The following RSRC1 variants were observed in gnomAD, a reference collection of about 807,000 sequenced individuals.
RSRC1 encodes arginine and serine rich coiled-coil 1, also known as serine/Arginine-related protein 53.
A neutral mutation model predicts 49.1 loss-of-function variants in RSRC1; 39 were observed. The observed-to-expected ratio is 0.79, with a 90% CI of 0.61 to 1.04. The LOEUF (loss-of-function observed/expected upper bound fraction) is 1.04, where lower values mean the gene tolerates loss of function less well. RSRC1 is among the 50% of genes least tolerant of loss of function. RSRC1 has a pLI of 0.00. For synonymous variants in RSRC1, 143 were observed against 130.8 expected (o/e 1.09, Z -0.63); for missense variants, 388 against 402.4 (o/e 0.96, Z 0.31).
intron 4 of RSRC1, among the ~76,000 whole-genome samples, chr3:158,229,422 ATG>A (rs1722823612): frequency 4.7e-5 from 7 of 149,878 alleles, no homozygotes; most frequent in East Asian, 2.0e-4. Context: ...ATGTGTATGT[ATG>A]TATGTATATA....
In RSRC1 at chr3:158,285,925, CTA is replaced by C. The variant is rs1420698537; in HGVS notation, c.495-12112_495-12111del. Among the ~76,000 whole-genome samples the C allele has an allele frequency of 8.5e-5, 13 of 152,268 alleles. No homozygotes were observed. In the South Asian group the frequency reaches 2.7e-3, roughly 32 times the overall value. On this transcript the variant is annotated intron_variant, in intron 4 of 9. Transcript: ENST00000611884. The stretch of plus-strand genomic sequence containing the variant: ...ATTGCCCTGGCCAGAACTTCCAACA[CTA>C]TGTTGAATAGGAGTGGTGTTTTCAC...
chr3:158,220,789 A>T (rs1722186235), intron 4 of RSRC1, among the ~76,000 whole-genome samples: 2 of 151,566 alleles, frequency 1.3e-5, no homozygotes, highest in African/African-American at 4.8e-5. Flanking sequence ...GTGAGCTGTA[A>T]TCTTTTTACT....
intron 6 of RSRC1, among the ~76,000 whole-genome samples, chr3:158,437,327 G>T (rs2108366270): frequency 6.6e-6 from 1 of 152,098 alleles, no homozygotes; most frequent in African/African-American, 2.4e-5. Context: ...TTTAATAATG[G>T]TTAATTTAGT....
intron 6 of RSRC1, among the ~76,000 whole-genome samples, chr3:158,418,905 A>G (rs558364279): frequency 2.0e-4 from 31 of 152,136 alleles, no homozygotes; most frequent in African/African-American, 6.3e-4. Context: ...GAGATTAAAT[A>G]AAGCATTGAG....
At chr3:158,160,310 T>A (rs1206606468) in intron 3 of RSRC1, among the ~76,000 whole-genome samples, 1 of 152,228 alleles carries the variant, frequency 6.6e-6, no homozygotes, top group Non-Finnish European at 1.5e-5. Context: ...AGTTTTAATT[T>A]GTATAGTACA....
intron 3 of RSRC1, among the ~76,000 whole-genome samples, chr3:158,147,629 T>C (rs1717226303): frequency 6.6e-6 from 1 of 152,192 alleles, no homozygotes; most frequent in African/African-American, 2.4e-5. Flanking sequence ...TTTTTTCATG[T>C]GGTTAAGTCA....
intron 4 of RSRC1, among the ~76,000 whole-genome samples, chr3:158,256,343 G>C (rs1388458486): frequency 6.6e-6 from 1 of 152,304 alleles, no homozygotes; most frequent in Admixed American, 6.5e-5. Flanking sequence ...CGTTGGTTCT[G>C]TTCATGTGAT....
rs190532803 is a variant in RSRC1, at chr3:158,197,067, G to A, written c.321-6005G>A. Among the ~76,000 whole-genome samples, 182 of 152,256 alleles carry A rather than the reference G, an allele frequency of 1.2e-3. 3 individuals carry two copies. The highest frequency in any genetic ancestry group is 9.7e-3 in the Admixed American group (149 of 15,290). On this transcript the variant is annotated intron_variant, in intron 3 of 9. Transcript: ENST00000611884. The stretch of plus-strand genomic sequence containing the variant: ...TTTTCTATTGATTGGAATAGTTTCA[G>A]AAGGAATGGTATCAGCTCCTCCTTG...
At chr3:158,437,837 GAAAT>G (rs1196087345) in intron 6 of RSRC1, among the ~76,000 whole-genome samples, 1 of 152,072 alleles carries the variant, frequency 6.6e-6, no homozygotes, top group Non-Finnish European at 1.5e-5. Flanking sequence ...GCAAAAGAAA[GAAAT>G]AAAGGGTATT....
intron 6 of RSRC1, among the ~76,000 whole-genome samples, chr3:158,421,563 A>G (rs1735054206): frequency 6.6e-6 from 1 of 151,912 alleles, no homozygotes; most frequent in South Asian, 2.1e-4. Flanking sequence ...TTTATATGTT[A>G]GATGTAGAAT....
At chr3:158,451,578 G>A (rs1232104128) in intron 6 of RSRC1, among the ~76,000 whole-genome samples, 1 of 151,934 alleles carries the variant, frequency 6.6e-6, no homozygotes, top group Non-Finnish European at 1.5e-5. Context: ...TACTTAACAT[G>A]AAACTTCAAA....
intron 3 of RSRC1, among the ~76,000 whole-genome samples, chr3:158,143,309 A>G (rs1233894797): frequency 6.6e-6 from 1 of 152,190 alleles, no homozygotes; most frequent in East Asian, 1.9e-4. Flanking sequence ...CTGATCAGAG[A>G]TGGCCTTTCC....
intron 6 of RSRC1, among the ~76,000 whole-genome samples, chr3:158,425,634 T>C (rs1735381679): frequency 6.6e-6 from 1 of 151,870 alleles, no homozygotes; most frequent in Non-Finnish European, 1.5e-5. Flanking sequence ...TTCCTGGGTA[T>C]CCTTGTTGAC....
rs551096563 is a variant in RSRC1 at position 158,478,050 on chromosome 3, C to A, written c.652+17047C>A. Among the ~76,000 whole-genome samples the A allele has an allele frequency of 3.5e-4, 53 of 150,896 alleles. 1 individual carries two copies. The highest frequency in any genetic ancestry group is 2.1e-3 in the Admixed American group (32 of 15,080). On this transcript the variant is annotated intron_variant, in intron 7 of 9. Transcript: ENST00000611884. ...CTTCAGCCTAGACGACAGAGTGAAA[C>A]CCCCATCTCTAAATATTAAAAATAA...
intron 6 of RSRC1, among the ~76,000 whole-genome samples, chr3:158,369,636 A>G (rs556190312): frequency 6.6e-6 from 1 of 152,214 alleles, no homozygotes; most frequent in South Asian, 2.1e-4. Flanking sequence ...CTTCTCCTAA[A>G]TTTAGAAAGA....
intron 4 of RSRC1, among the ~76,000 whole-genome samples, chr3:158,263,036 TGATTGCTC>T (rs1427461761): frequency 3.9e-5 from 6 of 152,284 alleles, no homozygotes; most frequent in African/African-American, 1.2e-4. Context: ...TTTCCTTGCC[TGATTGCTC>T]AGGCTAAGAT....
At chr3:158,331,103 C>G (rs1297778283) in intron 5 of RSRC1, among the ~76,000 whole-genome samples, 2 of 152,176 alleles carry the variant, frequency 1.3e-5, no homozygotes, top group African/African-American at 4.8e-5. Flanking sequence ...TCAGTTACCT[C>G]CCACTGGGTC....
rs372134217 is a variant in RSRC1 at position 158,424,438 on chromosome 3, C to G, written c.584-36497C>G. On this transcript the variant is annotated intron_variant, in intron 6 of 9. Coordinates refer to ENST00000611884, the MANE Select transcript of RSRC1 (RefSeq NM_001271838.2). ...ATCCCAGGGATGAAGCCCACTTGAT[C>G]ATGGTGGATAAGCTTTTTGATGTGC... 1.8e-3 allele frequency among the ~76,000 whole-genome samples: 278 copies of G among 151,422 alleles called. 4 individuals are homozygous for G. In the South Asian group the frequency reaches 0.027, roughly 15 times the overall value.
intron 7 of RSRC1, among the ~76,000 whole-genome samples, chr3:158,506,114 T>C (rs1739849745): frequency 6.6e-6 from 1 of 152,134 alleles, no homozygotes; most frequent in Non-Finnish European, 1.5e-5. Context: ...TGCATCAACC[T>C]ATAAAGCTTG....
Sources: gnomAD v4.1 joint callset for allele counts (sites outside exome capture counted in the v4.1 genomes callset) on GRCh38, gnomAD v4.1.1 for gene constraint, MANE v1.5 for transcripts, NCBI Gene and HGNC (gene_info 2026-07-23, HGNC 2026-07-21) for gene names.